The following MEGF11 variants were observed in gnomAD, a reference collection of about 807,000 sequenced individuals.
MEGF11 encodes the protein multiple epidermal growth factor-like domains protein 11.
A neutral mutation model predicts 146.6 loss-of-function variants in MEGF11; 126 were observed. The observed-to-expected ratio is 0.86, with a 90% CI of 0.74 to 1.00. The LOEUF is 1.00. Among genes scored for constraint, MEGF11 ranks in the 50% least tolerant of loss-of-function variants. MEGF11 has a pLI of 0.00. For synonymous variants in MEGF11, 532 were observed against 583.4 expected (o/e 0.91, Z 1.27); for missense variants, 1,509 against 1,521.2 (o/e 0.99, Z 0.13).
chr15:66,125,225 G>GC (rs1044359053), intron 2 of MEGF11, among the ~76,000 whole-genome samples: 11 of 152,242 alleles, frequency 7.2e-5, no homozygotes, highest in Non-Finnish European at 1.6e-4. Context: ...CTCTCGGTGT[G>GC]CCCCCACCAG....
chr15:66,245,519 C>A (rs954844833), intron 1 of MEGF11, among the ~76,000 whole-genome samples: 3 of 151,890 alleles, frequency 2.0e-5, no homozygotes, highest in African/African-American at 7.3e-5. Flanking sequence ...GTGGTCCCAG[C>A]TACCCTGGAG....
chr15:66,128,913 G>C (rs2088520133), intron 1 of MEGF11, among the ~76,000 whole-genome samples: 2 of 152,306 alleles, frequency 1.3e-5, no homozygotes, highest in East Asian at 1.9e-4. Context: ...AATGAGCCAA[G>C]AAAACCCTGA....
At chr15:66,139,814 C>A (rs978592329) in intron 1 of MEGF11, among the ~76,000 whole-genome samples, 5 of 152,142 alleles carry the variant, frequency 3.3e-5, no homozygotes, top group Non-Finnish European at 5.9e-5. Flanking sequence ...TGGAAGAATG[C>A]CGACCAAGGC....
intron 24 of MEGF11, 39 bp downstream of exon 24, chr15:65,906,045 TA>T: frequency 6.5e-7 from 1 of 1,537,110 alleles, no homozygotes; most frequent in Non-Finnish European, 9.0e-7. Context: ...TTTATCTTGC[TA>T]AGCCCTCTGT....
intron 1 of MEGF11, among the ~76,000 whole-genome samples, chr15:66,247,928 G>A (rs1011820029): frequency 9.9e-5 from 15 of 151,824 alleles, no homozygotes; most frequent in Middle Eastern, 3.4e-3. Flanking sequence ...CCAGCCACTC[G>A]GGAGGCTGGG....
At chr15:66,051,074 G>A (rs1170612970) in intron 5 of MEGF11, among the ~76,000 whole-genome samples, 4 of 152,228 alleles carry the variant, frequency 2.6e-5, no homozygotes, top group Non-Finnish European at 5.9e-5. Flanking sequence ...TCATTACAAC[G>A]AACACTATGC....
At chr15:66,172,470 C>T (rs1381771497) in intron 1 of MEGF11, among the ~76,000 whole-genome samples, 1 of 152,158 alleles carries the variant, frequency 6.6e-6, no homozygotes, top group Non-Finnish European at 1.5e-5. Flanking sequence ...AGCAGCAGAT[C>T]GGAGGGAGGG....
In MEGF11 at chr15:65,982,182, G is replaced by T; in HGVS notation, c.641+60C>A. ...CACCTCCTCTACCCTCCCCACCCAGGCACCCTCCAGGTCCCGCCCCTCCAG... is the reference window on the plus strand; with the variant it reads ...CACCTCCTCTACCCTCCCCACCCAGTCACCCTCCAGGTCCCGCCCCTCCAG... On this transcript the variant is annotated intron_variant, in intron 6 of 25. Coordinates refer to ENST00000395614, the MANE Select transcript of MEGF11 (RefSeq NM_001385028.1). This position sits in a 1 kb window ranked among gnomAD's most constrained non-coding sequence, Gnocchi z 5.6. 3 of 1,476,020 alleles carry T rather than the reference G, an allele frequency of 2.0e-6. No individual in the cohort carries two copies. Among genetic ancestry groups the T allele is most frequent in the East Asian group, 2.6e-5 (1 of 37,906 alleles). The allele number at this position is 1,476,020 out of a possible 1,614,324, so 91.4% of individuals were successfully genotyped here. A position where few individuals can be genotyped will look rare whatever the true frequency, so the allele number is the denominator to read the frequency against.
intron 5 of MEGF11, among the ~76,000 whole-genome samples, chr15:66,034,398 G>GT (rs58298192): frequency 6.2e-5 from 9 of 145,158 alleles, no homozygotes; most frequent in African/African-American, 1.8e-4. Context: ...TGGAATGCTG[G>GT]TTTTTTTTTT....
intron 5 of MEGF11, among the ~76,000 whole-genome samples, chr15:66,066,379 G>A (rs2085126061): frequency 6.6e-6 from 1 of 152,148 alleles, no homozygotes; most frequent in Non-Finnish European, 1.5e-5. Context: ...ATCCATCTAA[G>A]GCAGTGTTTC....
intron 10 of MEGF11, among the ~76,000 whole-genome samples, chr15:65,950,432 G>A (rs1462221864): frequency 6.6e-6 from 1 of 152,056 alleles, no homozygotes; most frequent in East Asian, 1.9e-4. Context: ...AAAAAAATCA[G>A]CTGGGCATGA....
chr15:65,989,350 G>C (rs28631375), intron 5 of MEGF11, among the ~76,000 whole-genome samples: 2 of 152,170 alleles, frequency 1.3e-5, no homozygotes, highest in African/African-American at 4.8e-5. Context: ...TTGTACTAAG[G>C]ACTGGGCCAA....
chr15:65,967,070 A>G (rs1478243612), intron 8 of MEGF11: 1 of 152,192 alleles, frequency 6.6e-6, no homozygotes, highest in Non-Finnish European at 1.5e-5. Context: ...TGGAGAACTA[A>G]CCTAAAGCTC....
intron 5 of MEGF11, among the ~76,000 whole-genome samples, chr15:66,045,716 C>T (rs1037989324): frequency 6.6e-6 from 1 of 152,160 alleles, no homozygotes; most frequent in Non-Finnish European, 1.5e-5. Flanking sequence ...GTGGGCAGGG[C>T]GCTTTACAGT....
intron 7 of MEGF11, among the ~76,000 whole-genome samples, chr15:65,977,456 G>A (rs1251841535): frequency 1.3e-5 from 2 of 151,138 alleles, no homozygotes; most frequent in Admixed American, 6.6e-5. Context: ...GCTAGGCCTC[G>A]GCCCCAAAAA....
chr15:65,979,051 C>T (rs1414204778), intron 7 of MEGF11, among the ~76,000 whole-genome samples: 2 of 152,030 alleles, frequency 1.3e-5, no homozygotes, highest in Non-Finnish European at 2.9e-5. Flanking sequence ...GTGGGGTGGG[C>T]ACCAGAGTCC....
At chr15:66,094,356 C>T in intron 5 of MEGF11, 46 bp downstream of exon 5, 2 of 1,500,682 alleles carry the variant, frequency 1.3e-6, no homozygotes, top group Non-Finnish European at 1.8e-6. Flanking sequence ...ACTCCCCTAC[C>T]AAGTCAGAGC....
chr15:66,252,622 G>T (rs1389197169), intron 1 of MEGF11, among the ~76,000 whole-genome samples: 1 of 152,218 alleles, frequency 6.6e-6, no homozygotes, highest in East Asian at 1.9e-4. Context: ...GAGGCTCGGC[G>T]CTCCCGGGCT....
chr15:66,129,328 G>A (rs2088542039), intron 1 of MEGF11, among the ~76,000 whole-genome samples: 2 of 152,240 alleles, frequency 1.3e-5, no homozygotes, highest in South Asian at 2.1e-4. Flanking sequence ...CTGGTGGGTC[G>A]CTGACCTTGA....
Sources: gnomAD v4.1 joint callset for allele counts (sites outside exome capture counted in the v4.1 genomes callset) on GRCh38, gnomAD v4.1.1 for gene constraint, Gnocchi (gnomAD v3.1) non-coding constraint, MANE v1.5 for transcripts, NCBI Gene and HGNC (gene_info 2026-07-23, HGNC 2026-07-21) for gene names.